Variants in ANK2 observed in about 807,000 individuals in gnomAD.
The protein encoded by ANK2 is ankyrin-2.
ANK2 carries 83 observed loss-of-function variants against 360.5 expected under a neutral mutation model. That is an observed-to-expected ratio of 0.23 (90% CI 0.19 to 0.28). The LOEUF (loss-of-function observed/expected upper bound fraction) is 0.28. Among genes scored for constraint, ANK2 ranks in the 10% least tolerant of loss-of-function variants. ANK2 has a pLI of 1.00. For missense variants in ANK2, 4,201 were observed against 4,795.7 expected (o/e 0.88, Z 3.66); for synonymous variants, 1,740 against 1,759.5 (o/e 0.99, Z 0.28).
At chr4:113,246,452 T>G (rs1360247239) in intron 9 of ANK2, among the ~76,000 whole-genome samples, 1 of 152,232 alleles carries the variant, frequency 6.6e-6, no homozygotes, top group African/African-American at 2.4e-5. Flanking sequence ...CTTTTACTGG[T>G]ATCTGAAAGA....
At position 113,369,717 on chromosome 4, in the gene ANK2, C is replaced by A. The variant is rs767769233; in HGVS notation, c.11522C>A (p.Pro3841Gln). The A allele has an allele frequency of 6.2e-7, 1 of 1,614,058 alleles. No individual in the cohort carries two copies. Among genetic ancestry groups the A allele is most frequent in the Non-Finnish European group, 8.5e-7 (1 of 1,179,976 alleles). ...TCAGAGCACAGAGAGGAGAGCTCTC[C>A]GCGGAAAACCAGCCTCGTAATAGTG... ...EPSEHREESS[P>Q]RKTSLVIVES... Residue 3841 changes from proline to glutamine, a missense_variant, in exon 43 of 46, where the codon CCG becomes CAG. Pro to Gln is a moderately conservative substitution (Grantham distance 76). Coordinates refer to ENST00000357077, the MANE Select transcript of ANK2 (RefSeq NM_001148.6).
intron 6 of ANK2, 26 bp from the exon 7 acceptor site, chr4:113,237,573 C>A (rs768853806): frequency 6.2e-7 from 1 of 1,601,852 alleles, no homozygotes; most frequent in Admixed American, 1.7e-5. Flanking sequence ...TATCTTCCCT[C>A]TTTCTTCCAA....
At chr4:112,838,997 T>C (rs2061562291) in intron 1 of ANK2, among the ~76,000 whole-genome samples, 1 of 152,170 alleles carries the variant, frequency 6.6e-6, no homozygotes, top group Non-Finnish European at 1.5e-5. Flanking sequence ...AATGGCCAAT[T>C]TTTCCTCTTT....
At chr4:113,060,020 A>T (rs1194810060) in intron 1 of ANK2, among the ~76,000 whole-genome samples, 3 of 152,134 alleles carry the variant, frequency 2.0e-5, no homozygotes, top group East Asian at 1.9e-4. Context: ...CAACTACGTT[A>T]CCAAAATTAA....
At chr4:113,136,904 C>G (rs558286536) in intron 1 of ANK2, among the ~76,000 whole-genome samples, 1 of 151,942 alleles carries the variant, frequency 6.6e-6, no homozygotes, top group Non-Finnish European at 1.5e-5. Context: ...ATTACAGGTG[C>G]GTGCCACCAG....
At chr4:112,926,380 C>G (rs1327803571) in intron 2 of ANK2, among the ~76,000 whole-genome samples, 1 of 152,192 alleles carries the variant, frequency 6.6e-6, no homozygotes. Flanking sequence ...ATGAACTCTT[C>G]TCCCACATGT....
intron 1 of ANK2, among the ~76,000 whole-genome samples, chr4:113,096,929 C>T (rs6837705): frequency 0.5 from 74,307 of 149,506 alleles, 19,999 homozygotes; most frequent in African/African-American, 0.69. Context: ...CTCCATTATA[C>T]TTTGCTTCAT....
At position 112,937,010 on chromosome 4, in the gene ANK2, G is replaced by C. The variant is rs571497835; in HGVS notation, c.21+32496G>C. On this transcript the variant is annotated intron_variant, in intron 2 of 30. Coordinates refer to the ANK2 transcript ENST00000503271. ...AGGTCTTACTGTGTTGCTCAGGCTG[G>C]TCTTGGACTGAACTCAAGCAATCCT... 8.2e-4 allele frequency among the ~76,000 whole-genome samples: 125 copies of C among 152,034 alleles called. 1 individual carries two copies. Among genetic ancestry groups the C allele is most frequent in the Non-Finnish European group, 6.3e-4 (43 of 67,976 alleles).
At chr4:113,129,525 A>C (rs569913420) in intron 1 of ANK2, among the ~76,000 whole-genome samples, 1 of 152,166 alleles carries the variant, frequency 6.6e-6, no homozygotes, top group East Asian at 1.9e-4. Context: ...ACAAGTGCAA[A>C]ACAGAATTTT....
the ANK2 span, among the ~76,000 whole-genome samples, chr4:112,710,717 G>C: frequency 6.6e-6 from 1 of 151,448 alleles, no homozygotes; most frequent in Non-Finnish European, 1.5e-5. Flanking sequence ...AAAAATGCTT[G>C]AATTCCATTT....
intron 1 of ANK2, among the ~76,000 whole-genome samples, chr4:113,162,739 T>G (rs1048603652): frequency 6.5e-4 from 98 of 151,844 alleles, no homozygotes; most frequent in African/African-American, 2.0e-3. Flanking sequence ...AGGTTTTTTT[T>G]TTTTTTTTTT....
intron 1 of ANK2, among the ~76,000 whole-genome samples, chr4:113,163,484 G>C (rs1372486746): frequency 2.0e-5 from 3 of 151,670 alleles, no homozygotes; most frequent in Admixed American, 6.6e-5. Flanking sequence ...CCAAGCTTTG[G>C]CCGGGCACGG....
chr4:113,116,237 A>T (rs2094757442), intron 1 of ANK2, among the ~76,000 whole-genome samples: 1 of 152,208 alleles, frequency 6.6e-6, no homozygotes, highest in Admixed American at 6.5e-5. Flanking sequence ...GCCTTTGATA[A>T]TTAATAATGA....
chr4:113,145,085 A>G (rs115448347), intron 1 of ANK2, among the ~76,000 whole-genome samples: 1 of 152,156 alleles, frequency 6.6e-6, no homozygotes, highest in Non-Finnish European at 1.5e-5. Flanking sequence ...ACTAAAAATT[A>G]AAACGAATTA....
chr4:112,711,857 A>G, the ANK2 span, among the ~76,000 whole-genome samples: 1 of 150,624 alleles, frequency 6.6e-6, no homozygotes. Context: ...AATAAAAAAT[A>G]AAATTAAAAA....
the ANK2 span, among the ~76,000 whole-genome samples, chr4:112,718,694 A>G: frequency 4.0e-5 from 6 of 149,838 alleles, no homozygotes; most frequent in Admixed American, 2.0e-4. Flanking sequence ...CTGGAATGCA[A>G]TGGTGCAATC....
the ANK2 span, among the ~76,000 whole-genome samples, chr4:112,778,942 T>C: frequency 6.6e-6 from 1 of 152,250 alleles, no homozygotes; most frequent in Non-Finnish European, 1.5e-5. Context: ...TTAAACTACC[T>C]ATTCTTCACA....
intron 1 of ANK2, among the ~76,000 whole-genome samples, chr4:112,849,920 G>A (rs1041900568): frequency 6.6e-6 from 1 of 152,156 alleles, no homozygotes; most frequent in Non-Finnish European, 1.5e-5. Context: ...CAATATCGGC[G>A]GGCATCCTCC....
At chr4:112,851,834 G>A (rs2149977471) in intron 1 of ANK2, among the ~76,000 whole-genome samples, 1 of 152,222 alleles carries the variant, frequency 6.6e-6, no homozygotes, top group African/African-American at 2.4e-5. Flanking sequence ...GTGTTGGTTA[G>A]GGTGATCTCG....
Sources: allele counts gnomAD v4.1 joint callset (sites outside exome capture counted in the v4.1 genomes callset), GRCh38; gene constraint gnomAD v4.1.1; transcripts MANE v1.5; gene names NCBI Gene and HGNC (gene_info 2026-07-23, HGNC 2026-07-21).